POF1B: variants seen among roughly 807,000 people sequenced by gnomAD.
POF1B encodes the protein protein POF1B.
Under a neutral mutation model 55.3 loss-of-function variants are expected in POF1B, and 53 were observed. The ratio of observed to expected loss-of-function variants is 0.96; its 90% CI spans 0.77 to 1.20. The LOEUF is 1.20. POF1B is among the 50% of genes most tolerant of loss of function. POF1B has a pLI of 0.00. For synonymous variants in POF1B, 188 were observed against 148.3 expected, an observed-to-expected ratio of 1.27 and a Z score of -1.95; for missense variants, 478 against 420.5, an observed-to-expected ratio of 1.14 and a Z score of -1.20.
chrX:85,370,354 C>G (rs904960096), intron 2 of POF1B, among the ~76,000 whole-genome samples: 2 of 111,937 alleles, frequency 1.8e-5, no homozygotes, highest in African/African-American at 6.5e-5. Flanking sequence ...TTTAGCCCTA[C>G]TTCAGCCTTC....
intron 7 of POF1B, among the ~76,000 whole-genome samples, chrX:85,326,431 G>A (rs1291113632): frequency 2.7e-5 from 3 of 110,253 alleles, no homozygotes; most frequent in East Asian, 2.9e-4. Context: ...GGGTGGGGGC[G>A]GGTCCACTGG....
chrX:85,366,794 G>T (rs1045017539), intron 3 of POF1B, among the ~76,000 whole-genome samples: 3 of 111,758 alleles, frequency 2.7e-5, no homozygotes, highest in Non-Finnish European at 5.6e-5. Context: ...CACATACTTG[G>T]TGTTCGGCAA....
intron 4 of POF1B, among the ~76,000 whole-genome samples, chrX:85,355,471 A>C (rs1415468099): frequency 9.0e-6 from 1 of 111,606 alleles, no homozygotes; most frequent in Non-Finnish European, 1.9e-5. Flanking sequence ...ATCTAATTAA[A>C]CTCAAGAGCT....
intron 7 of POF1B, among the ~76,000 whole-genome samples, chrX:85,322,513 C>T (rs903811363): frequency 4.5e-5 from 5 of 111,720 alleles, no homozygotes; most frequent in Non-Finnish European, 9.4e-5. Context: ...CTAGGCATTA[C>T]CATTCAGGAC....
At chrX:85,279,531 C>T (rs892837108) in intron 16 of POF1B, 105 bp from the exon 17 acceptor site, 30 of 752,277 alleles carry the variant, frequency 4.0e-5, no homozygotes, top group Admixed American at 5.5e-5. Flanking sequence ...TGTATAAAAC[C>T]AAAGGACATG....
chrX:85,313,940 A>G (rs1932759445), intron 9 of POF1B, among the ~76,000 whole-genome samples: 1 of 110,788 alleles, frequency 9.0e-6, no homozygotes, highest in African/African-American at 3.3e-5. Flanking sequence ...GTATGTTTCT[A>G]GGAGTTTTTC....
intron 15 of POF1B, among the ~76,000 whole-genome samples, chrX:85,300,872 C>T (rs1932431469): frequency 9.0e-6 from 1 of 111,591 alleles, no homozygotes; most frequent in Non-Finnish European, 1.9e-5. Context: ...TACAGTAATT[C>T]TGAGGTAAAA....
chrX:85,324,891 A>G (rs192910957), intron 7 of POF1B, among the ~76,000 whole-genome samples: 3 of 112,116 alleles, frequency 2.7e-5, no homozygotes, highest in African/African-American at 9.7e-5. Flanking sequence ...GTTTGGTGGT[A>G]CCAAATTCCC....
intron 15 of POF1B, 96 bp downstream of exon 15, chrX:85,303,310 A>C: frequency 1.9e-6 from 1 of 523,891 alleles, no homozygotes; most frequent in South Asian, 4.8e-5. Flanking sequence ...GAAAACACCA[A>C]ACTCTGTCTA....
At chrX:85,353,351 G>A (rs972091605) in intron 4 of POF1B, among the ~76,000 whole-genome samples, 1 of 110,560 alleles carries the variant, frequency 9.0e-6, no homozygotes, top group Admixed American at 9.6e-5. Flanking sequence ...ATGAGGTGAA[G>A]TTTACTTCAG....
intron 7 of POF1B, among the ~76,000 whole-genome samples, chrX:85,323,038 G>A (rs1439037092): frequency 2.7e-5 from 3 of 110,196 alleles, no homozygotes; most frequent in South Asian, 3.9e-4. Flanking sequence ...TCAGTGTGGC[G>A]ATTCCTCCGG....
Position 85,345,875 on chromosome X carries a change from G to C in POF1B, c.708C>G (p.Ser236Arg). The C allele has an allele frequency of 8.3e-7, 1 of 1,199,321 alleles. No homozygotes were observed. The highest frequency in any genetic ancestry group is 3.0e-5 in the East Asian group (1 of 33,425). Residue 236 changes from serine to arginine, a missense_variant, in exon 6 of 17, where the codon AGC becomes AGG. Physicochemically the swap from Ser to Arg is moderately radical, Grantham distance 110 (BLOSUM62 -1). Coordinates refer to ENST00000262753, the MANE Select transcript of POF1B (RefSeq NM_024921.4). ...TTGATCTTACCTGCTCACAAATCTG[G>C]CTTGATCCACTATGGCACAGTTCAT... ...IGNELCHSGS[S>R]QICEQVIIQD... is the part of the protein sequence containing the mutation.
intron 14 of POF1B, 95 bp downstream of exon 14, chrX:85,304,248 T>C (rs1467376079): frequency 4.7e-6 from 4 of 848,128 alleles, no homozygotes; most frequent in Non-Finnish European, 6.1e-6. Flanking sequence ...CTCTTGGATA[T>C]GTGTCCTTTT....
At chrX:85,282,400 C>T (rs1931924468) in intron 15 of POF1B, 83 bp from the exon 16 acceptor site, 2 of 584,542 alleles carry the variant, frequency 3.4e-6, no homozygotes, top group Admixed American at 4.9e-5. Flanking sequence ...GTTTGATTGC[C>T]CTAATTAAGC....
chrX:85,339,795 A>T (rs1933139027), intron 6 of POF1B, among the ~76,000 whole-genome samples: 1 of 111,553 alleles, frequency 9.0e-6, no homozygotes. Flanking sequence ...TTAGAGTCTT[A>T]ATTCTTGAAG....
chrX:85,323,158 C>T (rs985555340), intron 7 of POF1B, among the ~76,000 whole-genome samples: 19 of 111,429 alleles, frequency 1.7e-4, no homozygotes, highest in South Asian at 3.8e-4. Context: ...ACATTTATTG[C>T]GGCACTATTC....
Position 85,375,875 on chromosome X carries a change from C to G in POF1B, c.282+3298G>C, listed in dbSNP as rs759729874. Among the ~76,000 whole-genome samples, 53 of 112,017 alleles carry G rather than the reference C, an allele frequency of 4.7e-4. No individual in the cohort carries two copies. In the Admixed American group the frequency reaches 4.7e-3, roughly 10 times the overall value. ...GCAAGTTTCAAATTCAAAAGAATGG[C>G]AACCCTTATAACATATACACTAAAA... On this transcript the variant is annotated intron_variant, in intron 2 of 16. Transcript: ENST00000262753.
chrX:85,308,510 C>A (rs182445035), intron 9 of POF1B, among the ~76,000 whole-genome samples: 6 of 110,868 alleles, frequency 5.4e-5, no homozygotes, highest in Admixed American at 2.9e-4. Flanking sequence ...TTACATTATT[C>A]TTTATTTAAA....
At chrX:85,293,891 T>C (rs1328045852) in intron 15 of POF1B, among the ~76,000 whole-genome samples, 1 of 109,484 alleles carries the variant, frequency 9.1e-6, no homozygotes, top group Non-Finnish European at 1.9e-5. Context: ...GAAGAATCGC[T>C]TGAATGTGGG....
Sources: gnomAD v4.1 joint callset for allele counts (sites outside exome capture counted in the v4.1 genomes callset) on GRCh38, gnomAD v4.1.1 for gene constraint, MANE v1.5 for transcripts, NCBI Gene and HGNC (gene_info 2026-07-23, HGNC 2026-07-21) for gene names.